Variants in BTBD9 observed in about 807,000 individuals in gnomAD.
BTBD9 encodes the protein BTB domain containing 9, also known as BTB/POZ domain-containing protein 9.
Under a neutral mutation model 64.3 loss-of-function variants are expected in BTBD9, and 49 were observed. The ratio of observed to expected loss-of-function variants is 0.76; its 90% CI spans 0.61 to 0.97. BTBD9 has a LOEUF of 0.97. BTBD9 is among the 50% of genes least tolerant of loss of function. The probability of loss-of-function intolerance (pLI) is 0.00; values close to 1 mark genes in which losing one functional copy is unlikely to be tolerated. For missense variants in BTBD9, 598 were observed against 762.1 expected, an observed-to-expected ratio of 0.78 and a Z score of 2.53; for synonymous variants, 260 against 274.7, an observed-to-expected ratio of 0.95 and a Z score of 0.53.
chr6:38,328,469 T>C (rs1763525768), intron 7 of BTBD9, among the ~76,000 whole-genome samples: 1 of 151,932 alleles, frequency 6.6e-6, no homozygotes, highest in Admixed American at 6.6e-5. Flanking sequence ...GAGAGAGACC[T>C]TAGAAGAAAC....
At chr6:38,469,262 G>C (rs1770525948) in intron 6 of BTBD9, among the ~76,000 whole-genome samples, 1 of 151,020 alleles carries the variant, frequency 6.6e-6, no homozygotes, top group South Asian at 2.1e-4. Flanking sequence ...CATGTGTCCT[G>C]AGGAGTACAA....
chr6:38,257,068 T>TC (rs1764613812), intron 8 of BTBD9, among the ~76,000 whole-genome samples: 1 of 147,450 alleles, frequency 6.8e-6, no homozygotes, highest in Non-Finnish European at 1.5e-5. Context: ...CACTTCTTTT[T>TC]TTTTTTTTTT....
At chr6:38,268,948 G>A (rs1489552165) in intron 8 of BTBD9, among the ~76,000 whole-genome samples, 1 of 152,080 alleles carries the variant, frequency 6.6e-6, no homozygotes, top group Non-Finnish European at 1.5e-5. Context: ...CTATCTACTT[G>A]TCCTGGAATT....
intron 8 of BTBD9, among the ~76,000 whole-genome samples, chr6:38,278,759 C>T (rs1456152502): frequency 1.3e-5 from 2 of 152,318 alleles, no homozygotes; most frequent in African/African-American, 4.8e-5. Context: ...AAGGTCTAAA[C>T]ACTCTTGGCT....
chr6:38,462,555 A>C (rs1290004618), intron 6 of BTBD9, among the ~76,000 whole-genome samples: 1 of 152,194 alleles, frequency 6.6e-6, no homozygotes, highest in Non-Finnish European at 1.5e-5. Context: ...AATATATCTT[A>C]AAGTCAGGTA....
At chr6:38,461,929 T>C (rs763321444) in intron 6 of BTBD9, among the ~76,000 whole-genome samples, 5 of 152,356 alleles carry the variant, frequency 3.3e-5, no homozygotes, top group South Asian at 4.1e-4. Flanking sequence ...TCTAATGGCA[T>C]TGAATATCTT....
At chr6:38,442,398 A>G (rs1024620248) in intron 6 of BTBD9, among the ~76,000 whole-genome samples, 2 of 152,084 alleles carry the variant, frequency 1.3e-5, no homozygotes, top group African/African-American at 4.8e-5. Context: ...TGAACCTGGG[A>G]GGCGGAGGTT....
At chr6:38,353,637 C>T (rs1764610023) in intron 6 of BTBD9, among the ~76,000 whole-genome samples, 2 of 152,154 alleles carry the variant, frequency 1.3e-5, no homozygotes, top group Non-Finnish European at 2.9e-5. Context: ...TCAACATTTG[C>T]ATTTTTTCAC....
chr6:38,615,353 A>AT (rs1777747863), intron 1 of BTBD9, among the ~76,000 whole-genome samples: 1 of 152,154 alleles, frequency 6.6e-6, no homozygotes, highest in African/African-American at 2.4e-5. Flanking sequence ...CAGTCACTCC[A>AT]TTGCTTAAAA....
At chr6:38,323,816 A>G (rs1484852602) in intron 7 of BTBD9, among the ~76,000 whole-genome samples, 1 of 152,198 alleles carries the variant, frequency 6.6e-6, no homozygotes, top group Non-Finnish European at 1.5e-5. Flanking sequence ...TACTCTGTAA[A>G]GCCCAGGTGT....
chr6:38,574,925 A>G (rs947309495), intron 6 of BTBD9, among the ~76,000 whole-genome samples: 5 of 152,200 alleles, frequency 3.3e-5, no homozygotes, highest in African/African-American at 1.2e-4. Context: ...TCTACTACAC[A>G]GTTCTGATTT....
At chr6:38,524,971 C>T (rs1773421485) in intron 6 of BTBD9, among the ~76,000 whole-genome samples, 1 of 152,082 alleles carries the variant, frequency 6.6e-6, no homozygotes, top group African/African-American at 2.4e-5. Flanking sequence ...TGATCAGGCC[C>T]TTTGAGATGA....
At chr6:38,276,016 AT>A (rs368282715) in intron 8 of BTBD9, among the ~76,000 whole-genome samples, 3 of 152,172 alleles carry the variant, frequency 2.0e-5, no homozygotes, top group South Asian at 2.1e-4. Flanking sequence ...CCAAAGGACT[AT>A]TAAATCATGC....
At chr6:38,452,956 T>C (rs986675640) in intron 6 of BTBD9, among the ~76,000 whole-genome samples, 2 of 152,168 alleles carry the variant, frequency 1.3e-5, no homozygotes, top group African/African-American at 4.8e-5. Context: ...CGTGTTTTCC[T>C]TGTATGCAAT....
intron 1 of BTBD9, among the ~76,000 whole-genome samples, chr6:38,604,166 G>A (rs991146266): frequency 3.9e-5 from 6 of 152,134 alleles, no homozygotes; most frequent in Non-Finnish European, 5.9e-5. Context: ...AAAGTGCTAC[G>A]TAAGAACATG....
At chr6:38,447,350 T>C (rs1369278138) in intron 6 of BTBD9, among the ~76,000 whole-genome samples, 1 of 152,216 alleles carries the variant, frequency 6.6e-6, no homozygotes, top group Non-Finnish European at 1.5e-5. Context: ...CTCAAAGGAC[T>C]TTTCAATCAC....
At chr6:38,314,888 C>T (rs891332664) in intron 7 of BTBD9, among the ~76,000 whole-genome samples, 26 of 152,168 alleles carry the variant, frequency 1.7e-4, no homozygotes, top group Admixed American at 3.3e-4. Flanking sequence ...CTTGCTCTGT[C>T]GCCCAGGCTG....
intron 6 of BTBD9, among the ~76,000 whole-genome samples, chr6:38,394,545 T>C (rs747212148): frequency 1.3e-5 from 2 of 152,148 alleles, no homozygotes; most frequent in Non-Finnish European, 2.9e-5. Flanking sequence ...GCCTCCAAAA[T>C]GGCACCCAAT....
Position 38,444,919 on chromosome 6 carries a change from T to C in BTBD9, c.1155-99826A>G, listed in dbSNP as rs1414950440. Among the ~76,000 whole-genome samples the C allele has an allele frequency of 2.0e-5, 3 of 152,334 alleles. No homozygotes were observed. The East Asian group carries it at 5.8e-4, about 29-fold the overall frequency. On this transcript the variant is annotated intron_variant, in intron 6 of 10. Coordinates refer to ENST00000481247, the MANE Select transcript of BTBD9 (RefSeq NM_001099272.2). ...AATTAGAGTCATTATTTCTACTTAC[T>C]GATATCTAGATCCAGTTCTCTTCCT...
Sources: allele counts gnomAD v4.1 joint callset (sites outside exome capture counted in the v4.1 genomes callset), GRCh38; gene constraint gnomAD v4.1.1; transcripts MANE v1.5; gene names NCBI Gene and HGNC (gene_info 2026-07-23, HGNC 2026-07-21).